ZFPM2: variants seen among roughly 807,000 people sequenced by gnomAD.
The protein encoded by ZFPM2 is zinc finger protein, FOG family member 2.
In ZFPM2, 20 loss-of-function variants were observed where a neutral mutation model predicts 98.6. The ratio of observed to expected loss-of-function variants is 0.20; its 90% CI spans 0.14 to 0.29. The LOEUF is 0.29. Among genes scored for constraint, ZFPM2 ranks in the 10% least tolerant of loss-of-function variants. The probability of loss-of-function intolerance (pLI) is 1.00; values close to 1 mark genes in which losing one functional copy is unlikely to be tolerated. For missense variants in ZFPM2, 1,310 were observed against 1,388.6 expected (o/e 0.94, Z 0.90); for synonymous variants, 518 against 502.7 (o/e 1.03, Z -0.41).
intron 1 of ZFPM2, among the ~76,000 whole-genome samples, chr8:105,416,692 T>G (rs1460535640): frequency 6.6e-6 from 1 of 151,838 alleles, no homozygotes; most frequent in African/African-American, 2.4e-5. Flanking sequence ...TGATTTAGTG[T>G]GGGTATAAAT....
intron 3 of ZFPM2, among the ~76,000 whole-genome samples, chr8:105,517,397 G>A (rs540723041): frequency 2.0e-5 from 3 of 151,972 alleles, no homozygotes. Flanking sequence ...TAGCTTTATC[G>A]AGATATAATT....
At chr8:105,549,789 T>A (rs1206866713) in intron 3 of ZFPM2, among the ~76,000 whole-genome samples, 1 of 151,616 alleles carries the variant, frequency 6.6e-6, no homozygotes, top group Non-Finnish European at 1.5e-5. Flanking sequence ...TTTTTTGTAT[T>A]TTTTTTGTAG....
intron 3 of ZFPM2, among the ~76,000 whole-genome samples, chr8:105,554,150 A>G (rs1360036056): frequency 6.6e-6 from 1 of 152,218 alleles, no homozygotes; most frequent in Non-Finnish European, 1.5e-5. Context: ...GTAGTCACCA[A>G]CCAAGAACTA....
chr8:105,450,306 T>C lies in ZFPM2; in HGVS notation c.301+5925T>C, dbSNP rs113982836. ...AATGATACAGCTTTTTCCCCCTCTT[T>C]ACTAGTCCAAAGAAGGGCTTGAAGA... On this transcript the variant is annotated intron_variant, in intron 3 of 7. Transcript: ENST00000407775. Among the ~76,000 whole-genome samples the C allele has an allele frequency of 2.2e-3, 338 of 152,280 alleles. 1 individual carries two copies. The highest frequency in any genetic ancestry group is 7.7e-3 in the African/African-American group (320 of 41,582).
intron 5 of ZFPM2, among the ~76,000 whole-genome samples, chr8:105,715,176 A>C (rs1370113282): frequency 6.6e-6 from 1 of 152,216 alleles, no homozygotes; most frequent in South Asian, 2.1e-4. Context: ...AGATGGGAGA[A>C]TCACTTGAGC....
intron 1 of ZFPM2, among the ~76,000 whole-genome samples, chr8:105,402,589 G>A (rs1811362172): frequency 6.6e-6 from 1 of 151,892 alleles, no homozygotes; most frequent in Admixed American, 6.6e-5. Context: ...AATCTAATAT[G>A]TGTTTACTAA....
chr8:105,623,792 G>T (rs764708952), intron 4 of ZFPM2, among the ~76,000 whole-genome samples: 1 of 152,120 alleles, frequency 6.6e-6, no homozygotes, highest in South Asian at 2.1e-4. Flanking sequence ...AGTTGAGTTA[G>T]TATGTACCTC....
At chr8:105,406,855 T>C (rs1397837032) in intron 1 of ZFPM2, among the ~76,000 whole-genome samples, 3 of 151,928 alleles carry the variant, frequency 2.0e-5, no homozygotes, top group African/African-American at 4.8e-5. Flanking sequence ...GCAGAGGCAA[T>C]AGTAGGCACC....
intron 4 of ZFPM2, among the ~76,000 whole-genome samples, chr8:105,624,333 C>T (rs770093297): frequency 1.7e-4 from 26 of 152,310 alleles, no homozygotes; most frequent in Non-Finnish European, 3.4e-4. Context: ...ACTCCTTAAA[C>T]ACCCTGTGAC....
At chr8:105,610,838 G>A (rs760887290) in intron 4 of ZFPM2, among the ~76,000 whole-genome samples, 1 of 152,154 alleles carries the variant, frequency 6.6e-6, no homozygotes. Flanking sequence ...GCAGAGAAAA[G>A]CATTCAGTCT....
At chr8:105,448,220 T>C (rs1812414193) in intron 3 of ZFPM2, among the ~76,000 whole-genome samples, 1 of 152,056 alleles carries the variant, frequency 6.6e-6, no homozygotes, top group South Asian at 2.1e-4. Flanking sequence ...AAAATTTTAC[T>C]TGGACACTTC....
At chr8:105,714,753 A>G (rs1334130507) in intron 5 of ZFPM2, among the ~76,000 whole-genome samples, 1 of 152,036 alleles carries the variant, frequency 6.6e-6, no homozygotes, top group African/African-American at 2.4e-5. Context: ...TATTTACACT[A>G]TGGAAATTTG....
intron 5 of ZFPM2, among the ~76,000 whole-genome samples, chr8:105,663,576 C>A (rs1455398899): frequency 3.3e-5 from 5 of 152,100 alleles, no homozygotes; most frequent in Non-Finnish European, 5.9e-5. Flanking sequence ...AAAATGGCTA[C>A]TATTATGATG....
intron 1 of ZFPM2, among the ~76,000 whole-genome samples, chr8:105,356,607 T>C (rs1812752337): frequency 2.0e-5 from 3 of 152,218 alleles, no homozygotes; most frequent in Admixed American, 1.3e-4. Context: ...ACAGCTATGC[T>C]TAGAAACTGA....
At chr8:105,519,280 C>G (rs991059262) in intron 3 of ZFPM2, among the ~76,000 whole-genome samples, 4 of 151,942 alleles carry the variant, frequency 2.6e-5, no homozygotes, top group African/African-American at 9.7e-5. Context: ...AAGTTCATAC[C>G]TGAAATTTTA....
intron 1 of ZFPM2, among the ~76,000 whole-genome samples, chr8:105,413,727 A>G (rs147733550): frequency 1.3e-3 from 193 of 151,862 alleles, no homozygotes; most frequent in African/African-American, 4.3e-3. Flanking sequence ...ATTTTCATTG[A>G]TTAAGATCTT....
At chr8:105,635,861 T>C (rs1424927834) in intron 5 of ZFPM2, among the ~76,000 whole-genome samples, 2 of 152,312 alleles carry the variant, frequency 1.3e-5, no homozygotes, top group African/African-American at 2.4e-5. Context: ...ATAATTGTTA[T>C]ATATTTTGAG....
At chr8:105,652,925 A>G (rs1461344485) in intron 5 of ZFPM2, among the ~76,000 whole-genome samples, 1 of 152,184 alleles carries the variant, frequency 6.6e-6, no homozygotes, top group African/African-American at 2.4e-5. Flanking sequence ...TAAGTCTTCA[A>G]TGTTGCTATG....
intron 4 of ZFPM2, among the ~76,000 whole-genome samples, chr8:105,620,032 T>G (rs998594165): frequency 7.9e-5 from 12 of 152,188 alleles, no homozygotes; most frequent in African/African-American, 2.7e-4. Flanking sequence ...TTTATAATCC[T>G]TTGGGTATAT....
Sources: gnomAD v4.1 joint callset for allele counts (sites outside exome capture counted in the v4.1 genomes callset) on GRCh38, gnomAD v4.1.1 for gene constraint, MANE v1.5 for transcripts, NCBI Gene and HGNC (gene_info 2026-07-23, HGNC 2026-07-21) for gene names.